Variants in MAGI2 observed in about 807,000 individuals in gnomAD.
MAGI2 encodes membrane associated guanylate kinase, WW and PDZ domain containing 2.
In MAGI2, 35 loss-of-function variants were observed where a neutral mutation model predicts 133.3. The observed-to-expected ratio is 0.26, with a 90% CI of 0.20 to 0.35. The LOEUF (loss-of-function observed/expected upper bound fraction) is 0.35. Among genes scored for constraint, MAGI2 ranks in the 10% least tolerant of loss-of-function variants. The pLI, the probability that MAGI2 is intolerant of heterozygous loss-of-function variation, is 1.00. For synonymous variants in MAGI2, 729 were observed against 710.6 expected (o/e 1.03, Z -0.41); for missense variants, 1,636 against 1,863.4 (o/e 0.88, Z 2.25).
chr7:78,619,978 T>C (rs38112), intron 3 of MAGI2, among the ~76,000 whole-genome samples: 128,090 of 151,862 alleles, frequency 0.84, 54,771 homozygotes, highest in African/African-American at 0.97. Context: ...TGCTATAACC[T>C]GGATATGTAA....
At chr7:79,250,727 A>T (rs559595555) in intron 1 of MAGI2, among the ~76,000 whole-genome samples, 1 of 152,294 alleles carries the variant, frequency 6.6e-6, no homozygotes, top group East Asian at 1.9e-4. Context: ...CATTCCCTAC[A>T]GAAATAGGAA....
intron 2 of MAGI2, among the ~76,000 whole-genome samples, chr7:79,002,224 C>A (rs189238170): frequency 2.1e-3 from 314 of 151,648 alleles, no homozygotes; most frequent in African/African-American, 7.1e-3. Flanking sequence ...CTTGACTTCC[C>A]GAGCTCAAGT....
At chr7:78,547,579 G>T (rs57603312) in intron 3 of MAGI2, among the ~76,000 whole-genome samples, 12,402 of 152,258 alleles carry the variant, frequency 0.081, 748 homozygotes, top group East Asian at 0.22. Context: ...AGGATGGCTG[G>T]AGCCTATCCC....
chr7:78,361,998 G>A (rs1270995756), intron 7 of MAGI2, among the ~76,000 whole-genome samples: 1 of 152,074 alleles, frequency 6.6e-6, no homozygotes, highest in Non-Finnish European at 1.5e-5. Flanking sequence ...TGAAAGGATC[G>A]TGGTATAAAA....
intron 2 of MAGI2, among the ~76,000 whole-genome samples, chr7:78,732,372 G>GCATTGGT (rs1821449795): frequency 6.6e-6 from 1 of 152,150 alleles, no homozygotes; most frequent in Non-Finnish European, 1.5e-5. Context: ...ATTTATGGAA[G>GCATTGGT]CATTGGTACT....
At chr7:78,460,365 T>C (rs1789837872) in intron 6 of MAGI2, among the ~76,000 whole-genome samples, 1 of 152,216 alleles carries the variant, frequency 6.6e-6, no homozygotes, top group African/African-American at 2.4e-5. Flanking sequence ...TTACTACATT[T>C]GGTAAAAACA....
intron 3 of MAGI2, among the ~76,000 whole-genome samples, chr7:78,586,701 C>G (rs1047223107): frequency 6.6e-6 from 1 of 152,174 alleles, no homozygotes; most frequent in African/African-American, 2.4e-5. Context: ...TTCCCAGACT[C>G]AAACTATACG....
intron 6 of MAGI2, among the ~76,000 whole-genome samples, chr7:78,383,783 A>T (rs1795135809): frequency 6.6e-6 from 1 of 151,962 alleles, no homozygotes. Context: ...GTATATAGTG[A>T]GAGAGAGGGA....
chr7:78,722,739 A>G (rs1352876296), intron 2 of MAGI2, among the ~76,000 whole-genome samples: 1 of 152,094 alleles, frequency 6.6e-6, no homozygotes, highest in Non-Finnish European at 1.5e-5. Flanking sequence ...AACATGAATG[A>G]TATTAAGGAC....
chr7:79,248,750 C>G (rs1055270311), intron 1 of MAGI2, among the ~76,000 whole-genome samples: 3 of 151,824 alleles, frequency 2.0e-5, no homozygotes, highest in African/African-American at 7.3e-5. Context: ...GGAAATTAGA[C>G]AATAAGCTCC....
intron 21 of MAGI2, among the ~76,000 whole-genome samples, chr7:78,045,591 A>G (rs376132789): frequency 9.2e-5 from 14 of 152,342 alleles, no homozygotes; most frequent in African/African-American, 2.9e-4. Context: ...GAGAAAAAGA[A>G]GCTGAATAAT....
intron 2 of MAGI2, among the ~76,000 whole-genome samples, chr7:78,756,191 T>C (rs995817773): frequency 2.0e-4 from 30 of 152,164 alleles, no homozygotes; most frequent in African/African-American, 7.2e-4. Flanking sequence ...AGGAGAGCAC[T>C]GGCATGAGTC....
At chr7:79,047,352 A>T (rs1812265006) in intron 1 of MAGI2, among the ~76,000 whole-genome samples, 1 of 152,096 alleles carries the variant, frequency 6.6e-6, no homozygotes, top group Admixed American at 6.5e-5. Flanking sequence ...CAAAGAAGAT[A>T]TATAAAATGA....
rs367835457 is a variant in MAGI2, at chr7:79,050,863, G to T, written c.302-43657C>A. ...CATTGAGAAAGAAACAAAAGAGCCA[G>T]CCTCTGATGTGTGGAAGCTGCCCTG... On this transcript the variant is annotated intron_variant, in intron 1 of 21. Coordinates refer to ENST00000354212, the MANE Select transcript of MAGI2 (RefSeq NM_012301.4). Among the ~76,000 whole-genome samples, 25 of 151,750 alleles carry T rather than the reference G, an allele frequency of 1.6e-4. No homozygotes were observed. In the South Asian group the frequency reaches 4.8e-3, roughly 29 times the overall value.
intron 2 of MAGI2, among the ~76,000 whole-genome samples, chr7:78,786,459 T>C (rs560229265): frequency 6.6e-6 from 1 of 152,304 alleles, no homozygotes; most frequent in African/African-American, 2.4e-5. Flanking sequence ...AAAAGTGACA[T>C]ATGAGGCCTT....
At position 78,442,695 on chromosome 7, in the gene MAGI2, A is replaced by G. The variant is rs573026490; in HGVS notation, c.1045+47066T>C. Among the ~76,000 whole-genome samples the G allele has an allele frequency of 9.2e-5, 14 of 152,334 alleles. No individual in the cohort carries two copies. The South Asian group carries it at 2.5e-3, about 27-fold the overall frequency. Reference sequence around the variant, plus strand: ...CCCCTAAATAACAAGCTCAGACAACATATTATTGATACGCTTTGTGCTATT... The same window carrying G: ...CCCCTAAATAACAAGCTCAGACAACGTATTATTGATACGCTTTGTGCTATT... On this transcript the variant is annotated intron_variant, in intron 6 of 21. Coordinates refer to ENST00000354212, the MANE Select transcript of MAGI2 (RefSeq NM_012301.4).
rs1191942066 is a variant in MAGI2, at chr7:78,997,591, G to C, written c.418+9499C>G. Among the ~76,000 whole-genome samples, 6 of 145,852 alleles carry C rather than the reference G, an allele frequency of 4.1e-5. No individual in the cohort carries two copies. The East Asian group carries it at 1.2e-3, about 29-fold the overall frequency. ...CACTCCAGCCTGGGTGACAGAGCGA[G>C]ACTCCATCTCAATTAAAAAAAAAAA... On this transcript the variant is annotated intron_variant, in intron 2 of 21. Transcript: ENST00000354212.
chr7:79,111,974 A>C (rs1441413732), intron 1 of MAGI2, among the ~76,000 whole-genome samples: 1 of 151,924 alleles, frequency 6.6e-6, no homozygotes, highest in African/African-American at 2.4e-5. Context: ...GCCCATATAG[A>C]GATTTTAACT....
chr7:79,239,905 C>T (rs1454761152), intron 1 of MAGI2, among the ~76,000 whole-genome samples: 8 of 152,122 alleles, frequency 5.3e-5, no homozygotes, highest in Admixed American at 2.6e-4. Context: ...TACTGAGAAG[C>T]CCAATCTTAG....
Sources: allele counts gnomAD v4.1 joint callset (sites outside exome capture counted in the v4.1 genomes callset), GRCh38; gene constraint gnomAD v4.1.1; transcripts MANE v1.5; gene names NCBI Gene and HGNC (gene_info 2026-07-23, HGNC 2026-07-21).